SDK1: variants seen among roughly 807,000 people sequenced by gnomAD.
SDK1 encodes sidekick cell adhesion molecule 1.
SDK1 carries 157 observed loss-of-function variants against 245.5 expected under a neutral mutation model. That is an observed-to-expected ratio of 0.64 (90% CI 0.56 to 0.73). SDK1 has a LOEUF of 0.73. SDK1 is among the 30% of genes least tolerant of loss of function. The probability of loss-of-function intolerance (pLI) is 0.00; values close to 1 mark genes in which losing one functional copy is unlikely to be tolerated. For missense variants in SDK1, 3,583 were observed against 3,002.3 expected (o/e 1.19, Z -4.52); for synonymous variants, 1,647 against 1,278.5 (o/e 1.29, Z -6.15).
chr7:4,075,716 G>A (rs946087536), intron 20 of SDK1, among the ~76,000 whole-genome samples: 1 of 150,644 alleles, frequency 6.6e-6, no homozygotes, highest in Non-Finnish European at 1.5e-5. Flanking sequence ...GTGCAATGGC[G>A]CAATCTTGGC....
intron 4 of SDK1, among the ~76,000 whole-genome samples, chr7:3,702,973 G>A (rs1784781325): frequency 6.6e-6 from 1 of 151,504 alleles, no homozygotes. Flanking sequence ...GATGTTTCAT[G>A]CGTTGCTGGT....
Position 4,074,916 on chromosome 7 carries a change from A to ATTTTTTTT in SDK1, c.3011-2074_3011-2067dup, listed in dbSNP as rs55899344. ...TATATATATATATATATATATATATATTTTTTTTTTTTTTTAATAAAGTTA... is the reference window on the plus strand; with the variant it reads ...TATATATATATATATATATATATATATTTTTTTTTTTTTTTTTTTTTTTAATAAAGTTA... On this transcript the variant is annotated intron_variant, in intron 20 of 44. Coordinates refer to ENST00000404826, the MANE Select transcript of SDK1 (RefSeq NM_152744.4). Among the ~76,000 whole-genome samples the ATTTTTTTT allele has an allele frequency of 2.6e-4, 17 of 64,600 alleles. 1 individual carries two copies. The highest frequency in any genetic ancestry group is 1.5e-3 in the African/African-American group (13 of 8,478). The allele number at this position is 64,600 out of a possible 152,430, so 42.4% of individuals were successfully genotyped here. A position where few individuals can be genotyped will look rare whatever the true frequency, so the allele number is the denominator to read the frequency against.
At chr7:3,694,855 G>T (rs1784530452) in intron 4 of SDK1, among the ~76,000 whole-genome samples, 1 of 152,136 alleles carries the variant, frequency 6.6e-6, no homozygotes, top group Admixed American at 6.5e-5. Flanking sequence ...TACTGAAAAT[G>T]ATTTGTTCTG....
At chr7:3,702,075 C>T (rs994392339) in intron 4 of SDK1, among the ~76,000 whole-genome samples, 1 of 151,794 alleles carries the variant, frequency 6.6e-6, no homozygotes, top group African/African-American at 2.4e-5. Flanking sequence ...GGGTTTAGAA[C>T]TTAGTGAAGT....
intron 35 of SDK1, among the ~76,000 whole-genome samples, chr7:4,188,718 T>A (rs1164192681): frequency 1.3e-5 from 2 of 152,034 alleles, no homozygotes; most frequent in African/African-American, 4.8e-5. Flanking sequence ...AACTCTTTCA[T>A]CCTCCTGGAA....
At chr7:3,479,461 A>G (rs530810856) in intron 1 of SDK1, among the ~76,000 whole-genome samples, 13 of 150,610 alleles carry the variant, frequency 8.6e-5, no homozygotes, top group African/African-American at 2.0e-4. Context: ...CTATTGTCCA[A>G]TTGGTGGATA....
intron 4 of SDK1, among the ~76,000 whole-genome samples, chr7:3,796,679 C>A (rs1778969233): frequency 6.6e-6 from 1 of 152,198 alleles, no homozygotes; most frequent in South Asian, 2.1e-4. Context: ...GGTTTGATAA[C>A]AAAAATGGCT....
chr7:3,795,382 A>AG (rs1401957979), intron 4 of SDK1, among the ~76,000 whole-genome samples: 1 of 152,120 alleles, frequency 6.6e-6, no homozygotes, highest in East Asian at 1.9e-4. Context: ...TATTGCTGGA[A>AG]GGAGTCTGAT....
At chr7:3,835,126 C>T (rs941185683) in intron 5 of SDK1, among the ~76,000 whole-genome samples, 3 of 152,132 alleles carry the variant, frequency 2.0e-5, no homozygotes, top group East Asian at 1.9e-4. Context: ...TGAATAGCAG[C>T]CTGGGCATTC....
rs2115009961 is a variant in SDK1 at position 3,703,486 on chromosome 7, T to C, written c.713+61381T>C. On this transcript the variant is annotated intron_variant, in intron 4 of 44. Coordinates refer to ENST00000404826, the MANE Select transcript of SDK1 (RefSeq NM_152744.4). The stretch of plus-strand genomic sequence containing the variant: ...GGAGGATTAGATGTGTCTATTAGAG[T>C]AGCAAGAGGGAGGTGTGTATGGTGA... Among the ~76,000 whole-genome samples the C allele has an allele frequency of 2.0e-5, 3 of 152,148 alleles. 1 individual carries two copies. The South Asian group carries it at 6.2e-4, about 32-fold the overall frequency.
intron 1 of SDK1, among the ~76,000 whole-genome samples, chr7:3,551,705 T>C (rs1183158632): frequency 6.6e-6 from 1 of 152,146 alleles, no homozygotes; most frequent in East Asian, 1.9e-4. Context: ...AGACAGGCTC[T>C]CAGTGTGTCA....
At chr7:3,375,644 A>T (rs1051182031) in intron 1 of SDK1, among the ~76,000 whole-genome samples, 6 of 152,170 alleles carry the variant, frequency 3.9e-5, no homozygotes, top group African/African-American at 1.2e-4. Flanking sequence ...AGGACACTCA[A>T]GCAACTCTGT....
chr7:3,443,601 G>C (rs1455790526), intron 1 of SDK1, among the ~76,000 whole-genome samples: 1 of 152,160 alleles, frequency 6.6e-6, no homozygotes, highest in African/African-American at 2.4e-5. Flanking sequence ...AAGTTTAAAT[G>C]TTTCTCATAC....
intron 4 of SDK1, among the ~76,000 whole-genome samples, chr7:3,694,343 T>C (rs1198867241): frequency 6.6e-6 from 1 of 152,124 alleles, no homozygotes; most frequent in South Asian, 2.1e-4. Context: ...TTCACAGTAC[T>C]TCATGCAGGT....
chr7:3,523,023 T>A (rs554517535), intron 1 of SDK1, among the ~76,000 whole-genome samples: 1 of 33,872 alleles, frequency 3.0e-5, no homozygotes, highest in South Asian at 2.5e-3. Context: ...TACAAAATCG[T>A]AAATTGGTAA....
intron 1 of SDK1, among the ~76,000 whole-genome samples, chr7:3,525,607 G>A (rs1783101662): frequency 6.6e-6 from 1 of 151,998 alleles, no homozygotes. Flanking sequence ...ATTAGGTCGG[G>A]TTAATTCCTG....
At chr7:4,102,789 G>A (rs1011872337) in intron 22 of SDK1, among the ~76,000 whole-genome samples, 2 of 152,156 alleles carry the variant, frequency 1.3e-5, no homozygotes, top group African/African-American at 2.4e-5. Context: ...GAGTGGGCAA[G>A]CTGGGGCTGC....
At chr7:3,883,309 C>T (rs1781252656) in intron 5 of SDK1, among the ~76,000 whole-genome samples, 1 of 152,208 alleles carries the variant, frequency 6.6e-6, no homozygotes, top group African/African-American at 2.4e-5. Context: ...GCCCTTTGCT[C>T]TGTCTCAATA....
intron 14 of SDK1, among the ~76,000 whole-genome samples, chr7:3,992,699 G>T (rs780689349): frequency 1.3e-5 from 2 of 152,176 alleles, no homozygotes; most frequent in Non-Finnish European, 2.9e-5. Context: ...AATTGTGAAA[G>T]ACTTTGCAGT....
Sources: allele counts gnomAD v4.1 joint callset (sites outside exome capture counted in the v4.1 genomes callset), GRCh38; gene constraint gnomAD v4.1.1; transcripts MANE v1.5; gene names NCBI Gene and HGNC (gene_info 2026-07-23, HGNC 2026-07-21).